The following FECH variants were observed in gnomAD, a reference collection of about 807,000 sequenced individuals.
FECH encodes the protein ferrochelatase, also known as ferrochelatase, mitochondrial.
Under a neutral mutation model 56.9 loss-of-function variants are expected in FECH, and 40 were observed. That is an observed-to-expected ratio of 0.70 (90% CI 0.55 to 0.92). FECH has a LOEUF of 0.92. Among genes scored for constraint, FECH ranks in the 40% least tolerant of loss-of-function variants. The pLI is 0.00. For synonymous variants in FECH, 175 were observed against 198.6 expected (o/e 0.88, Z 1.00); for missense variants, 431 against 529.1 (o/e 0.81, Z 1.82).
At chr18:57,570,579 A>C (rs1037020555) in intron 4 of FECH, among the ~76,000 whole-genome samples, 2 of 152,164 alleles carry the variant, frequency 1.3e-5, no homozygotes, top group African/African-American at 4.8e-5. Context: ...CCTGATCCCA[A>C]AGCTCTAAGA....
intron 9 of FECH, among the ~76,000 whole-genome samples, chr18:57,552,108 T>C (rs1316129467): frequency 6.6e-6 from 1 of 151,900 alleles, no homozygotes; most frequent in Non-Finnish European, 1.5e-5. Flanking sequence ...GGTCTCGAAC[T>C]CCTGACCTCA....
rs1448936179 is a variant in FECH, at chr18:57,549,046, T to C, written c.*1666A>G. ...GGTGGGACGGTCACTCAAAGTCTAC[T>C]GTGAACCTCATCCCCAAAAAGGTAA... On this transcript the variant is annotated 3_prime_UTR_variant, in exon 11 of 11. Coordinates refer to ENST00000262093, the MANE Select transcript of FECH (RefSeq NM_000140.5). 4.6e-5 allele frequency: 7 copies of C among 152,152 alleles called. No individual in the cohort carries two copies. The highest frequency in any genetic ancestry group is 1.7e-4 in the African/African-American group (7 of 41,422). 9.4% of individuals were successfully genotyped at this position (152,152 alleles called of 1,614,324 possible).
chr18:57,568,173 G>C (rs576904467), intron 4 of FECH, among the ~76,000 whole-genome samples: 2 of 152,286 alleles, frequency 1.3e-5, no homozygotes, highest in African/African-American at 4.8e-5. Context: ...ACAATACGAT[G>C]ATCAGAATGA....
At chr18:57,571,263 T>A in intron 4 of FECH, 129 bp downstream of exon 4, 1 of 942,636 alleles carries the variant, frequency 1.1e-6, no homozygotes, top group Non-Finnish European at 1.7e-6. Flanking sequence ...AGTGACCATG[T>A]ATTATGTAGA....
At position 57,572,629 on chromosome 18, in the gene FECH, G is replaced by A. The variant is rs184988940; in HGVS notation, c.314+617C>T. 7.0e-3 allele frequency among the ~76,000 whole-genome samples: 1,029 copies of A among 146,322 alleles called. 9 individuals carry two copies. Among genetic ancestry groups the A allele is most frequent in the South Asian group, 0.026 (114 of 4,452 alleles). On this transcript the variant is annotated intron_variant, in intron 3 of 10. Coordinates refer to ENST00000262093, the MANE Select transcript of FECH (RefSeq NM_000140.5). ...CATGTGTGTATGTATGTATGTGCGCGTGTGTGTGTGTATGTATGTGTATGC... is the reference window on the plus strand; with the variant it reads ...CATGTGTGTATGTATGTATGTGCGCATGTGTGTGTGTATGTATGTGTATGC...
Position 57,573,359 on chromosome 18 carries a change from C to T in FECH, c.201G>A (p.Pro67=), listed in dbSNP as rs148440941. 285 of 1,614,040 alleles carry T rather than the reference C, an allele frequency of 1.8e-4. No homozygotes were observed. The Middle Eastern group carries it at 3.0e-3, about 17-fold the overall frequency. ...TGTTTAGCATTAATATTCCAGTTTT[C>T]GGCTTCCTATATAAAATAAAATACA... ...KPQVQPQKRK[P]KTGILMLNMG... The change falls in exon 3 of 11, where the codon CCG becomes CCA. Residue 67 remains proline (P), a synonymous_variant. Coordinates refer to ENST00000262093, the MANE Select transcript of FECH (RefSeq NM_000140.5).
intron 1 of FECH, among the ~76,000 whole-genome samples, chr18:57,580,995 C>A (rs2051269718): frequency 6.6e-6 from 1 of 152,162 alleles, no homozygotes; most frequent in African/African-American, 2.4e-5. Context: ...AAGAGTGGAA[C>A]TGGGCATGAA....
intron 1 of FECH, among the ~76,000 whole-genome samples, chr18:57,583,964 A>G (rs991708331): frequency 5.9e-5 from 9 of 152,170 alleles, no homozygotes; most frequent in African/African-American, 1.9e-4. Context: ...GGCAGATCAC[A>G]GGTCAGGAGA....
At chr18:57,584,233 T>C (rs1599019669) in intron 1 of FECH, among the ~76,000 whole-genome samples, 1 of 149,612 alleles carries the variant, frequency 6.7e-6, no homozygotes, top group East Asian at 2.0e-4. Flanking sequence ...GGTGGACACC[T>C]GTAGTCCCAA....
intron 9 of FECH, 138 bp downstream of exon 9, chr18:57,554,122 T>C (rs902863127): frequency 4.4e-6 from 4 of 908,658 alleles, no homozygotes; most frequent in South Asian, 2.9e-5. Context: ...AGATGAAGTA[T>C]TATTCAGGAG....
In FECH at chr18:57,559,149, A is replaced by G. The variant is rs201476938; in HGVS notation, c.800T>C (p.Met267Thr). The change falls in exon 7 of 11, where the codon ATG becomes ACG. Residue 267 changes from methionine to threonine, a missense_variant. Physicochemically the swap from Met to Thr is moderately conservative, Grantham distance 81 (BLOSUM62 -1). Transcript: ENST00000262093. ...CCAGAAAATGTTCTTACTTACAGAC[A>G]TGGGCAGTGAGTGAGCAGAAAACAG... ...VILFSAHSLP[M>T]SVVNRGDPYP... 180 of 1,601,944 alleles carry G rather than the reference A, an allele frequency of 1.1e-4. No individual in the cohort carries two copies. Among genetic ancestry groups the G allele is most frequent in the East Asian group, 4.9e-4 (22 of 44,798 alleles).
At chr18:57,553,817 C>A (rs1334339227) in intron 9 of FECH, among the ~76,000 whole-genome samples, 2 of 152,186 alleles carry the variant, frequency 1.3e-5, no homozygotes. Flanking sequence ...GACAATGACT[C>A]CTATATGCCT....
rs763340712 is a variant in FECH, at chr18:57,550,688, C to T, written c.*24G>A. 45 of 1,613,902 alleles carry T rather than the reference C, an allele frequency of 2.8e-5. No individual in the cohort carries two copies. Among genetic ancestry groups the T allele is most frequent in the Middle Eastern group, 1.7e-4 (1 of 6,060 alleles). ...ATCTGGAGGTTGGGCATTTGCCTAACGCCACGGGGTCCACCGGCGGGGGTC... is the reference window on the plus strand; with the variant it reads ...ATCTGGAGGTTGGGCATTTGCCTAATGCCACGGGGTCCACCGGCGGGGGTC... On this transcript the variant is annotated 3_prime_UTR_variant, in exon 11 of 11. Transcript: ENST00000262093.
At chr18:57,567,285 T>A (rs2051031605) in intron 4 of FECH, among the ~76,000 whole-genome samples, 1 of 152,266 alleles carries the variant, frequency 6.6e-6, no homozygotes, top group Admixed American at 6.5e-5. Context: ...AGGTGCCACA[T>A]GGGATTGAAA....
At position 57,556,448 on chromosome 18, in the gene FECH, C is replaced by T. The variant is rs529754216; in HGVS notation, c.805-1496G>A. ...GGATCACATCACCAGTAGAAAAGCA[C>T]GCTGGCATCACAGACCCCCGGGTGT... On this transcript the variant is annotated intron_variant, in intron 7 of 10. Coordinates refer to ENST00000262093, the MANE Select transcript of FECH (RefSeq NM_000140.5). Among the ~76,000 whole-genome samples the T allele has an allele frequency of 2.2e-3, 341 of 152,286 alleles. 1 individual carries two copies. Among genetic ancestry groups the T allele is most frequent in the Non-Finnish European group, 3.6e-3 (244 of 68,018 alleles).
intron 7 of FECH, among the ~76,000 whole-genome samples, chr18:57,558,842 G>A (rs1178039723): frequency 6.6e-6 from 1 of 152,070 alleles, no homozygotes; most frequent in Non-Finnish European, 1.5e-5. Flanking sequence ...AACTGCTTGA[G>A]CCCATGAGGT....
intron 3 of FECH, 26 bp from the exon 4 acceptor site, chr18:57,571,566 T>C: frequency 2.5e-6 from 4 of 1,614,026 alleles, no homozygotes; most frequent in Non-Finnish European, 3.4e-6. Flanking sequence ...TACAGGTAAG[T>C]GGATTTTATT....
intron 9 of FECH, 122 bp downstream of exon 9, chr18:57,554,138 G>T: frequency 1.2e-6 from 1 of 827,196 alleles, no homozygotes; most frequent in Non-Finnish European, 2.0e-6. Flanking sequence ...AGGAGAATGA[G>T]GACACCGTAC....
intron 5 of FECH, among the ~76,000 whole-genome samples, chr18:57,566,148 G>A (rs1164122757): frequency 6.6e-6 from 1 of 152,176 alleles, no homozygotes; most frequent in East Asian, 1.9e-4. Context: ...CACAAACCCA[G>A]AAAGAGCCTT....
Sources: allele counts gnomAD v4.1 joint callset (sites outside exome capture counted in the v4.1 genomes callset), GRCh38; gene constraint gnomAD v4.1.1; transcripts MANE v1.5; gene names NCBI Gene and HGNC (gene_info 2026-07-23, HGNC 2026-07-21).